Variants in PIP5K1B observed in about 807,000 individuals in gnomAD.
The protein encoded by PIP5K1B is phosphatidylinositol 4-phosphate 5-kinase type-1 beta.
A neutral mutation model predicts 67.0 loss-of-function variants in PIP5K1B; 42 were observed. The observed-to-expected ratio is 0.63, with a 90% CI of 0.49 to 0.81. The LOEUF (loss-of-function observed/expected upper bound fraction) is 0.81, where lower values mean the gene tolerates loss of function less well. Ranked by LOEUF, PIP5K1B falls within the 30% of genes least tolerant of loss-of-function variation. The probability of loss-of-function intolerance (pLI) is 0.00; values close to 1 mark genes in which losing one functional copy is unlikely to be tolerated. For missense variants in PIP5K1B, 459 were observed against 646.3 expected (o/e 0.71, Z 3.14); for synonymous variants, 214 against 231.4 (o/e 0.92, Z 0.68).
In PIP5K1B at chr9:68,917,758, A is replaced by T. The variant is rs762658921; in HGVS notation, c.982A>T (p.Thr328Ser). The T allele has an allele frequency of 1.6e-5, 25 of 1,611,562 alleles. No individual in the cohort carries two copies. The highest frequency in any genetic ancestry group is 2.0e-5 in the Non-Finnish European group (23 of 1,178,052). The change falls in exon 9 of 16, where the codon ACA becomes TCA. Residue 328 changes from threonine to serine, a missense_variant and splice_region_variant. Around this residue, in one of 2 missense-constraint regions of PIP5K1B, gnomAD observed 290 missense variants for 474.4 expected, o/e 0.61. Transcript: ENST00000265382. ...TGGGATAATCACAGAGAACCCAGAC[A>T]CGTAAGTGCAGCCACACACCTACCC... ...GDGIITENPD[T>S]MGGIPAKSHR...
chr9:68,954,668 GC>G (rs1452936113), intron 14 of PIP5K1B, among the ~76,000 whole-genome samples: 1 of 152,162 alleles, frequency 6.6e-6, no homozygotes, highest in East Asian at 1.9e-4. Context: ...ACTTCCCAAT[GC>G]CAACATGCCC....
At chr9:68,849,643 G>A (rs991883771) in intron 4 of PIP5K1B, among the ~76,000 whole-genome samples, 1 of 152,206 alleles carries the variant, frequency 6.6e-6, no homozygotes, top group Non-Finnish European at 1.5e-5. Context: ...TGGGATTAAA[G>A]GCATGCGCCA....
At chr9:68,780,879 G>GTA in intron 2 of PIP5K1B, 1 of 1,614,192 alleles carries the variant, frequency 6.2e-7, no homozygotes, top group Non-Finnish European at 8.5e-7. Context: ...TGGTGTGTGT[G>GTA]TATCTTCGGA....
chr9:68,721,482 C>T (rs1351664935), intron 1 of PIP5K1B, among the ~76,000 whole-genome samples: 1 of 152,084 alleles, frequency 6.6e-6, no homozygotes, highest in East Asian at 1.9e-4. Flanking sequence ...GAATGATGCT[C>T]AACTGAGAGA....
chr9:68,800,943 C>G (rs993357008), intron 2 of PIP5K1B, among the ~76,000 whole-genome samples: 11 of 152,180 alleles, frequency 7.2e-5, no homozygotes, highest in Admixed American at 7.2e-4. Context: ...GTGCTTGCAT[C>G]TCTTCTCCCC....
Position 68,935,044 on chromosome 9 carries a change from A to G in PIP5K1B, c.1356A>G (p.Glu452=), listed in dbSNP as rs760895047. 6.2e-7 allele frequency: 1 copy of G among 1,610,970 alleles called. No homozygotes were observed. The highest frequency in any genetic ancestry group is 1.1e-5 in the South Asian group (1 of 90,526). ...EGQSFSSLDE[E]ALGSRHRPDL... ...AAAGTTTTAGCAGCCTTGATGAAGA[A>G]GGTAAAGATATGTAACTTTTTTAAA... The change falls in exon 13 of 16, where the codon GAA becomes GAG. Residue 452 remains glutamate (E), a splice_region_variant and synonymous_variant. Transcript: ENST00000265382.
chr9:68,964,374 T>C (rs962289975), intron 14 of PIP5K1B, among the ~76,000 whole-genome samples: 4 of 152,244 alleles, frequency 2.6e-5, no homozygotes, highest in African/African-American at 9.6e-5. Flanking sequence ...TTATTCATCA[T>C]GAGTAAACAT....
At chr9:68,958,679 A>G (rs187553587) in intron 14 of PIP5K1B, among the ~76,000 whole-genome samples, 1 of 152,244 alleles carries the variant, frequency 6.6e-6, no homozygotes, top group Non-Finnish European at 1.5e-5. Flanking sequence ...TTTTTAAATT[A>G]GATGGGCTCT....
At chr9:68,808,306 G>C (rs1832978299) in intron 2 of PIP5K1B, among the ~76,000 whole-genome samples, 1 of 152,156 alleles carries the variant, frequency 6.6e-6, no homozygotes, top group Non-Finnish European at 1.5e-5. Context: ...ACTGGGAAGA[G>C]ATAGAAAAGT....
At chr9:68,933,541 C>G (rs897498665) in intron 12 of PIP5K1B, among the ~76,000 whole-genome samples, 1 of 152,038 alleles carries the variant, frequency 6.6e-6, no homozygotes, top group Admixed American at 6.6e-5. Context: ...AATGAACCAC[C>G]TAGAAAGCAA....
chr9:68,824,877 A>G (rs913628945), intron 4 of PIP5K1B, among the ~76,000 whole-genome samples: 4 of 152,210 alleles, frequency 2.6e-5, no homozygotes, highest in African/African-American at 4.8e-5. Flanking sequence ...CATTTCCCAG[A>G]TGAAAGAACT....
intron 4 of PIP5K1B, among the ~76,000 whole-genome samples, chr9:68,829,269 A>G (rs1834155486): frequency 6.6e-6 from 1 of 152,156 alleles, no homozygotes; most frequent in South Asian, 2.1e-4. Flanking sequence ...GATTCTGGAA[A>G]GCCACCACTT....
chr9:68,927,512 T>C (rs1390491126), intron 12 of PIP5K1B, among the ~76,000 whole-genome samples: 1 of 152,214 alleles, frequency 6.6e-6, no homozygotes, highest in Non-Finnish European at 1.5e-5. Context: ...TTTGCATTTC[T>C]CTAATGACTA....
At chr9:69,001,516 A>C (rs1367081551) in intron 15 of PIP5K1B, among the ~76,000 whole-genome samples, 2 of 152,174 alleles carry the variant, frequency 1.3e-5, no homozygotes, top group African/African-American at 2.4e-5. Flanking sequence ...TAATTAACTC[A>C]TAGTTCCACA....
intron 8 of PIP5K1B, 54 bp downstream of exon 8, chr9:68,894,692 G>C: frequency 6.7e-7 from 1 of 1,501,420 alleles, no homozygotes. Flanking sequence ...CATGTAAACT[G>C]TGGCTGCCAC....
intron 8 of PIP5K1B, among the ~76,000 whole-genome samples, chr9:68,910,225 A>G (rs772934114): frequency 6.6e-6 from 1 of 152,248 alleles, no homozygotes; most frequent in Non-Finnish European, 1.5e-5. Flanking sequence ...ATTTAGCTGT[A>G]TGCCTACTAA....
intron 14 of PIP5K1B, among the ~76,000 whole-genome samples, chr9:68,988,444 G>GTTTTTTT (rs61373302): frequency 7.3e-5 from 8 of 110,012 alleles, no homozygotes; most frequent in South Asian, 3.3e-4. Flanking sequence ...TTTTTTTGGG[G>GTTTTTTT]TTTTTTTTTT....
At chr9:68,980,309 G>A (rs1829836076) in intron 14 of PIP5K1B, among the ~76,000 whole-genome samples, 1 of 152,244 alleles carries the variant, frequency 6.6e-6, no homozygotes, top group Non-Finnish European at 1.5e-5. Context: ...AGCAGAGTGT[G>A]GCTCTGGTAC....
intron 1 of PIP5K1B, among the ~76,000 whole-genome samples, chr9:68,716,149 G>A (rs187378629): frequency 6.6e-6 from 1 of 152,320 alleles, no homozygotes; most frequent in East Asian, 1.9e-4. Flanking sequence ...GAATGGGAAT[G>A]ATTATTTAGA....
Sources: gnomAD v4.1 joint callset for allele counts (sites outside exome capture counted in the v4.1 genomes callset) on GRCh38, gnomAD v4.1.1 for gene constraint, gnomAD v4.1.1 regional missense constraint, MANE v1.5 for transcripts, NCBI Gene and HGNC (gene_info 2026-07-23, HGNC 2026-07-21) for gene names.